SLC4A5: variants seen among roughly 807,000 people sequenced by gnomAD.
SLC4A5 encodes the protein solute carrier family 4 member 5.
In SLC4A5, 96 loss-of-function variants were observed where a neutral mutation model predicts 120.4. The observed-to-expected ratio is 0.80, with a 90% CI of 0.68 to 0.94. The LOEUF (loss-of-function observed/expected upper bound fraction) is 0.94. SLC4A5 is among the 40% of genes least tolerant of loss of function. The pLI is 0.00. For missense variants in SLC4A5, 1,259 were observed against 1,459.5 expected (o/e 0.86, Z 2.24); for synonymous variants, 550 against 571.1 (o/e 0.96, Z 0.53).
At chr2:74,299,246 G>A (rs11126427) in intron 7 of SLC4A5, among the ~76,000 whole-genome samples, 2 of 152,186 alleles carry the variant, frequency 1.3e-5, no homozygotes, top group Middle Eastern at 3.4e-3. Context: ...AGATACTCGG[G>A]AGGCTGAGAC....
At chr2:74,294,082 T>C (rs373857922) in intron 7 of SLC4A5, among the ~76,000 whole-genome samples, 1 of 152,182 alleles carries the variant, frequency 6.6e-6, no homozygotes, top group South Asian at 2.1e-4. Flanking sequence ...GGCATGTGCA[T>C]GGCCAGCCCC....
At chr2:74,287,432 T>C (rs550881306) in intron 7 of SLC4A5, among the ~76,000 whole-genome samples, 165 of 152,128 alleles carry the variant, frequency 1.1e-3, no homozygotes, top group Non-Finnish European at 1.6e-3. Context: ...GCGAACTCAG[T>C]TGAGTGAGCA....
At chr2:74,282,827 G>A (rs1030766366) in intron 8 of SLC4A5, among the ~76,000 whole-genome samples, 1 of 152,186 alleles carries the variant, frequency 6.6e-6, no homozygotes, top group Non-Finnish European at 1.5e-5. Flanking sequence ...TGTGGAGAAG[G>A]CACCTTCCCC....
chr2:74,233,287 T>C, intron 23 of SLC4A5, 115 bp downstream of exon 23: 2 of 1,241,548 alleles, frequency 1.6e-6, no homozygotes, highest in Non-Finnish European at 2.3e-6. Flanking sequence ...CTCTAGTCTC[T>C]GTCCTCATAT....
At chr2:74,283,362 C>T (rs1223223261) in intron 8 of SLC4A5, among the ~76,000 whole-genome samples, 3 of 152,196 alleles carry the variant, frequency 2.0e-5, no homozygotes, top group Admixed American at 6.5e-5. Context: ...AGCCGTGAAT[C>T]GATCAGCACC....
At chr2:74,227,837 C>A in exon 26 of SLC4A5, 1 of 1,611,936 alleles carries the variant, frequency 6.2e-7, no homozygotes, top group South Asian at 1.1e-5. Context: ...AGGCCACGCC[C>A]ATGTAGAGGA....
At chr2:74,318,288 G>C (rs1258829511) in intron 5 of SLC4A5, among the ~76,000 whole-genome samples, 1 of 152,054 alleles carries the variant, frequency 6.6e-6, no homozygotes, top group Non-Finnish European at 1.5e-5. Context: ...ACACATAAAT[G>C]GCCAACAAAC....
At chr2:74,250,102 C>T (rs1051426474) in intron 17 of SLC4A5, among the ~76,000 whole-genome samples, 5 of 152,194 alleles carry the variant, frequency 3.3e-5, no homozygotes, top group South Asian at 4.1e-4. Context: ...TTCCCCTTAA[C>T]GGTTTGACCT....
At chr2:74,276,302 G>A (rs1671638168) in intron 8 of SLC4A5, among the ~76,000 whole-genome samples, 1 of 152,072 alleles carries the variant, frequency 6.6e-6, no homozygotes, top group African/African-American at 2.4e-5. Context: ...AGCTCTTTAA[G>A]AACAGATTCA....
intron 6 of SLC4A5, chr2:74,307,370 GTTC>G (rs1393954369): frequency 3.2e-6 from 2 of 618,044 alleles, no homozygotes; most frequent in Non-Finnish European, 6.1e-6. Flanking sequence ...CCTCTTCGTG[GTTC>G]TTCTTCATGA....
At chr2:74,278,309 T>C (rs1048952571) in intron 8 of SLC4A5, among the ~76,000 whole-genome samples, 1 of 152,142 alleles carries the variant, frequency 6.6e-6, no homozygotes, top group East Asian at 1.9e-4. Context: ...CTCACTTAAT[T>C]AGCCTTCCAA....
At position 74,310,447 on chromosome 2, in the gene SLC4A5, T is replaced by G. The variant is rs953374100; in HGVS notation, c.79+4498A>C. Among the ~76,000 whole-genome samples, 4 of 152,194 alleles carry G rather than the reference T, an allele frequency of 2.6e-5. No individual in the cohort carries two copies. The East Asian group carries it at 7.7e-4, about 29-fold the overall frequency. On this transcript the variant is annotated intron_variant, in intron 6 of 30. Coordinates refer to ENST00000394019, the Ensembl canonical transcript of SLC4A5. Reference sequence around the variant, plus strand: ...GTTAGCTATAGGTTTTTTGTAGATTTTTTAAAAATCAAGTTGAGGAAATTT... The same window carrying G: ...GTTAGCTATAGGTTTTTTGTAGATTGTTTAAAAATCAAGTTGAGGAAATTT...
chr2:74,290,956 T>G (rs965774705), intron 7 of SLC4A5, among the ~76,000 whole-genome samples: 1 of 152,032 alleles, frequency 6.6e-6, no homozygotes, highest in African/African-American at 2.4e-5. Context: ...GGAGCCTTGG[T>G]GGCAGGTGAG....
At chr2:74,279,101 A>C (rs1671732284) in intron 8 of SLC4A5, among the ~76,000 whole-genome samples, 1 of 152,192 alleles carries the variant, frequency 6.6e-6, no homozygotes, top group Non-Finnish European at 1.5e-5. Flanking sequence ...ACTTCTTGTA[A>C]GCCTACGATG....
chr2:74,227,932 A>G (rs1694909218), intron 25 of SLC4A5, 54 bp from the exon 26 acceptor site: 1 of 1,401,724 alleles, frequency 7.1e-7, no homozygotes, highest in South Asian at 1.4e-5. Context: ...GCCCTTGGCC[A>G]CCCTGTTCTG....
chr2:74,269,477 C>T (rs1671406510), intron 8 of SLC4A5, among the ~76,000 whole-genome samples: 1 of 152,158 alleles, frequency 6.6e-6, no homozygotes, highest in Admixed American at 6.6e-5. Context: ...AGGTGGTCCA[C>T]CCACCTCCGC....
chr2:74,239,067 A>G (rs1283362557), intron 21 of SLC4A5, among the ~76,000 whole-genome samples: 2 of 152,244 alleles, frequency 1.3e-5, no homozygotes, highest in African/African-American at 4.8e-5. Flanking sequence ...TGTATTTTCA[A>G]CTTCATTAGT....
intron 6 of SLC4A5, among the ~76,000 whole-genome samples, chr2:74,313,876 G>A (rs1235708329): frequency 6.6e-6 from 1 of 152,090 alleles, no homozygotes; most frequent in African/African-American, 2.4e-5. Flanking sequence ...TATCAGAAAG[G>A]CCCCAACCCA....
At chr2:74,303,857 T>A (rs577886131) in intron 7 of SLC4A5, among the ~76,000 whole-genome samples, 33 of 150,098 alleles carry the variant, frequency 2.2e-4, no homozygotes, top group South Asian at 2.1e-3. Context: ...TATTATTTTT[T>A]TTTTTTTTTT....
Sources: allele counts gnomAD v4.1 joint callset (sites outside exome capture counted in the v4.1 genomes callset), GRCh38; gene constraint gnomAD v4.1.1; transcripts MANE v1.5; gene names NCBI Gene and HGNC (gene_info 2026-07-23, HGNC 2026-07-21).